Variants in MGAM observed in about 807,000 individuals in gnomAD.
MGAM encodes alpha-1,4-glucosidase.
MGAM carries 253 observed loss-of-function variants against 358.8 expected under a neutral mutation model. The observed-to-expected ratio is 0.71, with a 90% CI of 0.64 to 0.78. MGAM has a LOEUF of 0.78. MGAM is among the 30% of genes least tolerant of loss of function. The pLI is 0.00. For missense variants in MGAM, 3,080 were observed against 3,432.6 expected (o/e 0.90, Z 2.57); for synonymous variants, 1,105 against 1,227.1 (o/e 0.90, Z 2.08).
chr7:142,041,902 ATATT>A (rs1808642198), intron 21 of MGAM, among the ~76,000 whole-genome samples: 2 of 43,364 alleles, frequency 4.6e-5, no homozygotes, highest in African/African-American at 2.9e-4. Flanking sequence ...TATAATATAT[ATATT>A]ATATATATAC....
intron 53 of MGAM, 151 bp from the exon 54 acceptor site, chr7:142,084,368 C>T: frequency 1.1e-6 from 1 of 936,928 alleles, no homozygotes. Flanking sequence ...CTCCAAGTAT[C>T]CTAGTGGCTC....
At chr7:142,002,408 A>G (rs944148081) in intron 1 of MGAM, among the ~76,000 whole-genome samples, 18 of 152,164 alleles carry the variant, frequency 1.2e-4, no homozygotes, top group African/African-American at 4.3e-4. Context: ...ATATGCAAGG[A>G]TGATTCAACA....
In MGAM at chr7:142,038,582, GC is replaced by G; in HGVS notation, c.2286del (p.Gly763AlafsTer15). On this transcript the variant is annotated frameshift_variant, in exon 19 of 71. Transcript: ENST00000475668. LOFTEE classifies it high-confidence loss of function. ...ATGTGCACCAACAGTTCTTATGGGGGCCCGGCCTCCTCATCACTCCAGTTCT... is the reference window on the plus strand; with the variant it reads ...ATGTGCACCAACAGTTCTTATGGGGGCCGGCCTCCTCATCACTCCAGTTCT... ...WDVHQQFLWGPGLLITPVLDE... is the reference protein window; with the variant it reads ...WDVHQQFLWGXGLLITPVLDE... 6.2e-7 allele frequency: 1 copy of G among 1,611,074 alleles called. No homozygotes were observed. Among genetic ancestry groups the G allele is most frequent in the East Asian group, 2.2e-5 (1 of 44,660 alleles).
intron 60 of MGAM, among the ~76,000 whole-genome samples, chr7:142,094,088 G>A (rs2129060550): frequency 6.8e-6 from 1 of 146,076 alleles, no homozygotes; most frequent in Middle Eastern, 3.5e-3. Context: ...CTAAGTTTTG[G>A]GGAAACCAAT....
At position 142,063,223 on chromosome 7, in the gene MGAM, A is replaced by C. The variant is rs569345057; in HGVS notation, c.4258-276A>C. Among the ~76,000 whole-genome samples, 7 of 151,776 alleles carry C rather than the reference A, an allele frequency of 4.6e-5. No homozygotes were observed. In the South Asian group the frequency reaches 1.5e-3, roughly 32 times the overall value. ...AAGAATGAAAAACAAAACCAAAAAA[A>C]AAACCTGGGAGGCAATTTACTAGGA... On this transcript the variant is annotated intron_variant, in intron 35 of 70. Coordinates refer to ENST00000475668, the MANE Select transcript of MGAM (RefSeq NM_001365693.1).
rs370909346 is a variant in MGAM, at chr7:142,102,685, T to G, written c.8013+6T>G. 11 of 1,612,466 alleles carry G rather than the reference T, an allele frequency of 6.8e-6. No homozygotes were observed. The highest frequency in any genetic ancestry group is 9.3e-6 in the Non-Finnish European group (11 of 1,179,120). On this transcript the variant is annotated splice_donor_region_variant and intron_variant, in intron 69 of 70. Transcript: ENST00000475668. ...CCAGCTTTTCTGCCAGCCAGGTGAG[T>G]GTGATTGATATGAAGTGAGAATAGG...
intron 14 of MGAM, among the ~76,000 whole-genome samples, chr7:142,033,712 A>G (rs1010696815): frequency 1.2e-4 from 19 of 152,156 alleles, no homozygotes; most frequent in Admixed American, 7.9e-4. Context: ...TGAACCTGAC[A>G]TTAATATATA....
chr7:141,997,333 T>C (rs1277688687), intron 1 of MGAM, among the ~76,000 whole-genome samples: 2 of 152,074 alleles, frequency 1.3e-5, no homozygotes, highest in African/African-American at 4.8e-5. Flanking sequence ...GGGTCTTTGG[T>C]TTGTTGTGCT....
At chr7:142,046,837 G>A (rs1250306243) in intron 21 of MGAM, among the ~76,000 whole-genome samples, 1 of 151,892 alleles carries the variant, frequency 6.6e-6, no homozygotes, top group Non-Finnish European at 1.5e-5. Flanking sequence ...CTTTTGTGTT[G>A]TTTTCATTGT....
intron 7 of MGAM, among the ~76,000 whole-genome samples, chr7:142,023,430 C>CATATATAT (rs111642860): frequency 4.5e-4 from 67 of 148,266 alleles, no homozygotes; most frequent in African/African-American, 1.6e-3. Flanking sequence ...ATTTATTAGT[C>CATATATAT]ATATATATAT....
chr7:142,055,948 C>T, intron 28 of MGAM, 52 bp from the exon 29 acceptor site: 2 of 1,543,108 alleles, frequency 1.3e-6, no homozygotes, highest in Non-Finnish European at 1.8e-6. Flanking sequence ...GAGTTTCTTT[C>T]TCAGGCATAA....
At chr7:142,061,557 T>C (rs1282188135) in intron 34 of MGAM, among the ~76,000 whole-genome samples, 1 of 152,196 alleles carries the variant, frequency 6.6e-6, no homozygotes, top group Non-Finnish European at 1.5e-5. Flanking sequence ...TCTGGGTTCC[T>C]ACCTGCCCTT....
Position 142,052,368 on chromosome 7 carries a change from T to G in MGAM, c.2880T>G (p.Asp960Glu). 6.2e-7 allele frequency: 1 copy of G among 1,612,236 alleles called. No homozygotes were observed. Among genetic ancestry groups the G allele is most frequent in the Non-Finnish European group, 8.5e-7 (1 of 1,179,140 alleles). ...YTVEWSIKIRDEEKIDCYPDE... is the reference protein window; with the variant it reads ...YTVEWSIKIREEEKIDCYPDE... ...TGGAATGGAGCATAAAGATAAGGGA[T>G]GAAGAAAAAATAGACTGTTACCCTG... is the stretch of plus-strand genomic sequence containing the variant. The change falls in exon 25 of 71, where the codon GAT becomes GAG. Residue 960 changes from aspartate to glutamate, a missense_variant. Around this residue, in one of 5 missense-constraint regions of MGAM, gnomAD observed 1,816 missense variants for 1,840.5 expected, o/e 0.99. Coordinates refer to ENST00000475668, the MANE Select transcript of MGAM (RefSeq NM_001365693.1).
At position 142,036,205 on chromosome 7, in the gene MGAM, C is replaced by T; in HGVS notation, c.1996C>T (p.Pro666Ser). 3 of 1,612,306 alleles carry T rather than the reference C, an allele frequency of 1.9e-6. No individual in the cohort carries two copies. The African/African-American group carries it at 4.0e-5, about 22-fold the overall frequency. Residue 666 changes from proline to serine, a missense_variant, in exon 17 of 71, where the codon CCT becomes TCT. Pro to Ser is a moderately conservative substitution (Grantham distance 74, BLOSUM62 -1). Coordinates refer to ENST00000475668, the MANE Select transcript of MGAM (RefSeq NM_001365693.1). ...CATATGTGGCTTTGCTTTGGACACC[C>T]CTGAGGAGCTCTGTAGGCGGTGGAT... Reference protein sequence around the residue: ...PDICGFALDTPEELCRRWMQL... With the variant: ...PDICGFALDTSEELCRRWMQL...
At position 142,094,466 on chromosome 7, in the gene MGAM, C is replaced by T. The variant is rs757250868; in HGVS notation, c.7275C>T (p.Ala2425=). 4.2e-5 allele frequency: 64 copies of T among 1,535,050 alleles called. 12 individuals are homozygous for T. Among genetic ancestry groups the T allele is most frequent in the Middle Eastern group, 3.4e-4 (2 of 5,882 alleles). The change falls in exon 61 of 71, where the codon GCC becomes GCT. Residue 2425 remains alanine (A), a synonymous_variant. Transcript: ENST00000475668. ...GACATTGGCTGGGAGACAACACAGCCGCGTGGGATCAGCTGAAGAAGTCTA... is the reference window on the plus strand; with the variant it reads ...GACATTGGCTGGGAGACAACACAGCTGCGTGGGATCAGCTGAAGAAGTCTA... ...WAGHWLGDNT[A]AWDQLKKSII... is the part of the protein sequence containing the mutation.
chr7:142,096,052 A>G, intron 64 of MGAM: 2 of 591,728 alleles, frequency 3.4e-6, no homozygotes, highest in East Asian at 2.8e-5. Flanking sequence ...TTGAGGGAAA[A>G]GGGCCATCCT....
chr7:142,040,584 T>C (rs1808424367), intron 20 of MGAM, 138 bp from the exon 21 acceptor site: 7 of 1,149,630 alleles, frequency 6.1e-6, no homozygotes, highest in Admixed American at 2.9e-5. Flanking sequence ...TTTTTCCTTC[T>C]GTTGTTTGAT....
At chr7:142,068,533 T>C (rs1279781073) in intron 42 of MGAM, 114 bp from the exon 43 acceptor site, 1 of 840,034 alleles carries the variant, frequency 1.2e-6, no homozygotes, top group East Asian at 2.7e-5. Flanking sequence ...TCTTGGGACA[T>C]GAGGCAGCTG....
Position 142,039,286 on chromosome 7 carries a change from G to A in MGAM, c.2316+671G>A, listed in dbSNP as rs759146604. Among the ~76,000 whole-genome samples the A allele has an allele frequency of 2.6e-5, 4 of 151,872 alleles. No individual in the cohort carries two copies. The South Asian group carries it at 8.3e-4, about 32-fold the overall frequency. On this transcript the variant is annotated intron_variant, in intron 19 of 70. Transcript: ENST00000475668. ...AAGCTCGGCTAATTTTGTATTTTTTGTAGAGACGGGGTTTCATGTTAGCCA... is the reference window on the plus strand; with the variant it reads ...AAGCTCGGCTAATTTTGTATTTTTTATAGAGACGGGGTTTCATGTTAGCCA...
Sources: allele counts gnomAD v4.1 joint callset (sites outside exome capture counted in the v4.1 genomes callset), GRCh38; gene constraint gnomAD v4.1.1; regional missense constraint gnomAD v4.1.1; transcripts MANE v1.5; gene names NCBI Gene and HGNC (gene_info 2026-07-23, HGNC 2026-07-21).